PPP1R9A: variants seen among roughly 807,000 people sequenced by gnomAD.
PPP1R9A encodes neurabin-1.
A neutral mutation model predicts 141.9 loss-of-function variants in PPP1R9A; 59 were observed. That is an observed-to-expected ratio of 0.42 (90% CI 0.34 to 0.52). PPP1R9A has a LOEUF of 0.52. PPP1R9A is among the 20% of genes least tolerant of loss of function. PPP1R9A has a pLI of 0.10. For missense variants in PPP1R9A, 1,444 were observed against 1,611.9 expected (o/e 0.90, Z 1.78); for synonymous variants, 500 against 569.7 (o/e 0.88, Z 1.74).
intron 2 of PPP1R9A, among the ~76,000 whole-genome samples, chr7:95,058,820 C>T (rs1051991064): frequency 4.0e-5 from 6 of 151,430 alleles, no homozygotes; most frequent in Admixed American, 1.3e-4. Context: ...GATGAAGTCT[C>T]GCTCTGTTAC....
chr7:95,097,542 TAA>T (rs945505497), intron 2 of PPP1R9A, among the ~76,000 whole-genome samples: 12 of 152,246 alleles, frequency 7.9e-5, no homozygotes, highest in African/African-American at 2.7e-4. Context: ...TTTTAGTCTC[TAA>T]ATCAAAACCA....
chr7:95,247,913 T>C (rs1210096429), intron 9 of PPP1R9A, among the ~76,000 whole-genome samples: 1 of 152,132 alleles, frequency 6.6e-6, no homozygotes, highest in Non-Finnish European at 1.5e-5. Context: ...GGAACAAATT[T>C]AGTATAGCAC....
chr7:95,074,314 C>T (rs948850395), intron 2 of PPP1R9A, among the ~76,000 whole-genome samples: 3 of 152,134 alleles, frequency 2.0e-5, no homozygotes, highest in Non-Finnish European at 4.4e-5. Flanking sequence ...TCCCCCATTA[C>T]AAGCCATCGT....
intron 2 of PPP1R9A, among the ~76,000 whole-genome samples, chr7:95,058,322 A>G (rs186951758): frequency 2.6e-4 from 40 of 152,334 alleles, no homozygotes; most frequent in African/African-American, 9.4e-4. Flanking sequence ...AGGAATTTCA[A>G]TATGTTTTTC....
intron 2 of PPP1R9A, among the ~76,000 whole-genome samples, chr7:94,918,154 G>T (rs1307450848): frequency 2.0e-5 from 3 of 152,062 alleles, no homozygotes; most frequent in Non-Finnish European, 4.4e-5. Flanking sequence ...GTTTTGAAAA[G>T]GAAGAAAACT....
At chr7:95,097,090 G>C (rs979674363) in intron 2 of PPP1R9A, among the ~76,000 whole-genome samples, 8 of 151,604 alleles carry the variant, frequency 5.3e-5, no homozygotes, top group African/African-American at 1.9e-4. Context: ...GCAGTGGTGC[G>C]ATCTTGTCTT....
chr7:95,252,736 A>G (rs1242056225), intron 12 of PPP1R9A, among the ~76,000 whole-genome samples: 1 of 152,052 alleles, frequency 6.6e-6, no homozygotes, highest in Non-Finnish European at 1.5e-5. Context: ...CTAGAGTGCT[A>G]GGATTACAGG....
intron 8 of PPP1R9A, among the ~76,000 whole-genome samples, chr7:95,245,753 A>C (rs1220434674): frequency 3.3e-5 from 5 of 152,180 alleles, no homozygotes; most frequent in African/African-American, 7.2e-5. Flanking sequence ...GTAAGTAAGA[A>C]TTGTACCACT....
chr7:94,910,070 T>A lies in PPP1R9A; in HGVS notation c.-44T>A. 6.5e-7 allele frequency: 1 copy of A among 1,540,898 alleles called. No homozygotes were observed. The highest frequency in any genetic ancestry group is 8.7e-7 in the Non-Finnish European group (1 of 1,145,462). On this transcript the variant is annotated 5_prime_UTR_variant, in exon 2 of 20. Transcript: ENST00000433360. The surrounding 1 kb of genome is among the most constrained non-coding windows in gnomAD (Gnocchi z 4.5). ...GAGGTATCTTGGTTTTTGGTTTTTT[T>A]CTTTGATCATTATGAACATTGGCTT...
At chr7:95,002,914 C>T (rs1803135878) in intron 2 of PPP1R9A, among the ~76,000 whole-genome samples, 1 of 152,094 alleles carries the variant, frequency 6.6e-6, no homozygotes, top group South Asian at 2.1e-4. Flanking sequence ...CCTCATTACT[C>T]CTTGGATGGC....
intron 5 of PPP1R9A, among the ~76,000 whole-genome samples, chr7:95,167,989 C>G (rs1590027): frequency 0.28 from 43,238 of 152,002 alleles, 7,561 homozygotes; most frequent in Middle Eastern, 0.43. Flanking sequence ...TCTACTGATT[C>G]AGTACAATCC....
intron 5 of PPP1R9A, among the ~76,000 whole-genome samples, chr7:95,193,391 A>G (rs1430717866): frequency 6.6e-6 from 1 of 152,078 alleles, no homozygotes; most frequent in Non-Finnish European, 1.5e-5. Flanking sequence ...GTGATTTTGA[A>G]TACAAAGCAA....
chr7:95,169,351 TAG>T (rs1460164705), intron 5 of PPP1R9A, among the ~76,000 whole-genome samples: 2 of 151,608 alleles, frequency 1.3e-5, no homozygotes, highest in African/African-American at 2.4e-5. Flanking sequence ...CTTATAGAGG[TAG>T]AGAGTAGAAT....
chr7:95,173,198 A>G (rs1345349857), intron 5 of PPP1R9A, among the ~76,000 whole-genome samples: 1 of 151,886 alleles, frequency 6.6e-6, no homozygotes. Flanking sequence ...TTATATTCTC[A>G]TATATAAATT....
At chr7:95,095,688 C>G (rs1218129038) in intron 2 of PPP1R9A, among the ~76,000 whole-genome samples, 1 of 152,166 alleles carries the variant, frequency 6.6e-6, no homozygotes, top group Non-Finnish European at 1.5e-5. Flanking sequence ...TGGAGTCTTT[C>G]CTGCTTTTTC....
At chr7:95,024,528 A>G (rs1216982721) in intron 2 of PPP1R9A, among the ~76,000 whole-genome samples, 1 of 152,040 alleles carries the variant, frequency 6.6e-6, no homozygotes, top group Non-Finnish European at 1.5e-5. Flanking sequence ...ACCATTATAT[A>G]ATGCCTTTCT....
At chr7:95,101,769 A>G (rs1818827403) in intron 2 of PPP1R9A, among the ~76,000 whole-genome samples, 1 of 152,248 alleles carries the variant, frequency 6.6e-6, no homozygotes, top group Non-Finnish European at 1.5e-5. Flanking sequence ...TACTATTTAT[A>G]TGAACAAATA....
chr7:94,913,465 A>G (rs796479916), intron 2 of PPP1R9A, among the ~76,000 whole-genome samples: 12 of 152,306 alleles, frequency 7.9e-5, no homozygotes, highest in African/African-American at 2.9e-4. Context: ...TTCTAAAACA[A>G]ATTAGATCAA....
chr7:95,074,360 G>A (rs1224552814), intron 2 of PPP1R9A, among the ~76,000 whole-genome samples: 3 of 151,718 alleles, frequency 2.0e-5, no homozygotes, highest in East Asian at 1.9e-4. Flanking sequence ...AAACAATGCT[G>A]CAAAGACCGT....
Sources: allele counts gnomAD v4.1 joint callset (sites outside exome capture counted in the v4.1 genomes callset), GRCh38; gene constraint gnomAD v4.1.1; non-coding constraint Gnocchi (gnomAD v3.1); transcripts MANE v1.5; gene names NCBI Gene and HGNC (gene_info 2026-07-23, HGNC 2026-07-21).